KCTD1: variants seen among roughly 807,000 people sequenced by gnomAD.
KCTD1 encodes the protein potassium channel tetramerization domain containing 1, also known as BTB/POZ domain-containing protein KCTD1.
In KCTD1, 24 loss-of-function variants were observed where a neutral mutation model predicts 66.0. That is an observed-to-expected ratio of 0.36 (90% CI 0.26 to 0.51). The LOEUF (loss-of-function observed/expected upper bound fraction) is 0.51. Among genes scored for constraint, KCTD1 ranks in the 20% least tolerant of loss-of-function variants. The pLI is 0.95. For synonymous variants in KCTD1, 511 were observed against 517.2 expected, an observed-to-expected ratio of 0.99 and a Z score of 0.16; for missense variants, 943 against 1,205.2, an observed-to-expected ratio of 0.78 and a Z score of 3.22.
intron 1 of KCTD1, among the ~76,000 whole-genome samples, chr18:26,625,378 C>A (rs1445540246): frequency 6.6e-6 from 1 of 152,048 alleles, no homozygotes; most frequent in African/African-American, 2.4e-5. Context: ...TGGGAGGGAC[C>A]CAGTGGGAGA....
At chr18:26,558,380 A>G (rs189260788) in intron 1 of KCTD1, among the ~76,000 whole-genome samples, 172 of 152,334 alleles carry the variant, frequency 1.1e-3, no homozygotes, top group African/African-American at 4.0e-3. Flanking sequence ...TACAACCACT[A>G]TGGAGAATAG....
chr18:26,544,478 C>T (rs1309850539), intron 1 of KCTD1: 1 of 152,204 alleles, frequency 6.6e-6, no homozygotes, highest in Non-Finnish European at 1.5e-5. Context: ...AGATGGTCAA[C>T]AGTGGAATTC....
chr18:26,478,312 C>A (rs1380856336), intron 2 of KCTD1, among the ~76,000 whole-genome samples: 1 of 152,090 alleles, frequency 6.6e-6, no homozygotes, highest in Admixed American at 6.5e-5. Context: ...ATTAACTTGC[C>A]CAACTAGTTA....
At chr18:26,568,570 A>G (rs1986034921) in intron 1 of KCTD1, among the ~76,000 whole-genome samples, 1 of 152,072 alleles carries the variant, frequency 6.6e-6, no homozygotes, top group African/African-American at 2.4e-5. Flanking sequence ...TTCTTTTCCT[A>G]CAACATAAAA....
intron 2 of KCTD1, among the ~76,000 whole-genome samples, chr18:26,479,415 AC>A (rs929462658): frequency 1.3e-5 from 2 of 152,040 alleles, no homozygotes; most frequent in Non-Finnish European, 2.9e-5. Flanking sequence ...GAAACCGCAG[AC>A]CCCCCGCCAG....
intron 1 of KCTD1, among the ~76,000 whole-genome samples, chr18:26,647,519 CAAAAAAAAAAAAAAAAAAAAAAAAAAA>C (rs57856118): frequency 1.7e-5 from 1 of 57,306 alleles, no homozygotes; most frequent in Non-Finnish European, 3.2e-5. Context: ...GACTCCATCT[CAAAAAAAAAAAAAAAAAAAAAAAAAAA>C]AAAAAAAAGG....
At chr18:26,513,244 C>T (rs749188074) in intron 1 of KCTD1, among the ~76,000 whole-genome samples, 120 of 152,104 alleles carry the variant, frequency 7.9e-4, no homozygotes, top group African/African-American at 2.6e-3. Flanking sequence ...CCCGCAACCA[C>T]GCCGGGCTAA....
intron 2 of KCTD1, among the ~76,000 whole-genome samples, chr18:26,493,603 G>A (rs767258886): frequency 6.6e-6 from 1 of 152,050 alleles, no homozygotes; most frequent in African/African-American, 2.4e-5. Flanking sequence ...ATATTATGGG[G>A]TACATGAGAT....
rs151212750 is a variant in KCTD1 at position 26,511,453 on chromosome 18, T to C, written c.1810-10203A>G. On this transcript the variant is annotated intron_variant, in intron 1 of 4. Transcript: ENST00000580059. ...TGCAAGAGCAAAATGATCAAAGCTA[T>C]CCAAGTACACTGCCTGTGTTTCCTG... is the stretch of plus-strand genomic sequence containing the variant. Among the ~76,000 whole-genome samples, 84 of 152,302 alleles carry C rather than the reference T, an allele frequency of 5.5e-4. 1 individual carries two copies. Among genetic ancestry groups the C allele is most frequent in the African/African-American group, 2.0e-3 (82 of 41,568 alleles).
intron 1 of KCTD1, among the ~76,000 whole-genome samples, chr18:26,523,056 A>T (rs1171818446): frequency 6.6e-6 from 1 of 152,208 alleles, no homozygotes; most frequent in Non-Finnish European, 1.5e-5. Context: ...ATATTTTTTT[A>T]AAGTTACTCA....
chr18:26,635,963 T>G (rs1481196508), intron 1 of KCTD1, among the ~76,000 whole-genome samples: 1 of 151,722 alleles, frequency 6.6e-6, no homozygotes, highest in African/African-American at 2.4e-5. Context: ...CTGCAGCAAG[T>G]GAGGACACAC....
intron 1 of KCTD1, among the ~76,000 whole-genome samples, chr18:26,556,636 G>C (rs1418530967): frequency 2.0e-5 from 3 of 152,196 alleles, no homozygotes; most frequent in Non-Finnish European, 2.9e-5. Context: ...CTAACGTTTA[G>C]TGAATGCTTG....
chr18:26,595,172 AT>A (rs1986738155), intron 1 of KCTD1, among the ~76,000 whole-genome samples: 1 of 152,118 alleles, frequency 6.6e-6, no homozygotes, highest in Non-Finnish European at 1.5e-5. Flanking sequence ...TTGATGAATG[AT>A]TTCAGGCCTG....
intron 2 of KCTD1, among the ~76,000 whole-genome samples, chr18:26,480,040 A>ATTT (rs199551482): frequency 1.4e-3 from 199 of 139,804 alleles, no homozygotes; most frequent in African/African-American, 4.8e-3. Flanking sequence ...TGGTTTTGGA[A>ATTT]TTTTTTTTTT....
intron 1 of KCTD1, chr18:26,575,290 A>G (rs1216584516): frequency 6.6e-6 from 1 of 152,216 alleles, no homozygotes; most frequent in South Asian, 2.1e-4. Context: ...AGCATCGCCG[A>G]GTCGTGGCAA....
chr18:26,491,938 A>G (rs759614170), intron 2 of KCTD1, among the ~76,000 whole-genome samples: 9 of 152,230 alleles, frequency 5.9e-5, no homozygotes, highest in African/African-American at 2.2e-4. Context: ...CCAGACCAAT[A>G]AAATTGGGAT....
At chr18:26,475,609 G>T (rs963212289) in intron 3 of KCTD1, among the ~76,000 whole-genome samples, 1 of 152,164 alleles carries the variant, frequency 6.6e-6, no homozygotes, top group Non-Finnish European at 1.5e-5. Context: ...CCAGCACTTT[G>T]GGAGGCTGAG....
At chr18:26,502,300 C>T (rs1401419479) in intron 1 of KCTD1, among the ~76,000 whole-genome samples, 1 of 152,182 alleles carries the variant, frequency 6.6e-6, no homozygotes, top group East Asian at 1.9e-4. Context: ...CCGCCCACCT[C>T]GGCCTCCCAA....
chr18:26,501,348 T>C, intron 1 of KCTD1, 98 bp from the exon 2 acceptor site: 1 of 1,062,724 alleles, frequency 9.4e-7, no homozygotes, highest in South Asian at 2.2e-5. Context: ...TTAACGATAC[T>C]CATTCAGTAA....
Sources: allele counts gnomAD v4.1 joint callset (sites outside exome capture counted in the v4.1 genomes callset), GRCh38; gene constraint gnomAD v4.1.1; transcripts MANE v1.5; gene names NCBI Gene and HGNC (gene_info 2026-07-23, HGNC 2026-07-21).